The following DEPTOR variants were observed in gnomAD, a reference collection of about 807,000 sequenced individuals.
DEPTOR encodes the protein DEP domain containing MTOR interacting protein.
DEPTOR carries 41 observed loss-of-function variants against 41.6 expected under a neutral mutation model. The ratio of observed to expected loss-of-function variants is 0.98; its 90% confidence interval spans 0.77 to 1.28. The LOEUF (loss-of-function observed/expected upper bound fraction) is 1.28. DEPTOR is among the 50% of genes most tolerant of loss of function. The probability of loss-of-function intolerance (pLI) is 0.00; values close to 1 mark genes in which losing one functional copy is unlikely to be tolerated. For synonymous variants in DEPTOR, 195 were observed against 192.3 expected, an observed-to-expected ratio of 1.01 and a Z score of -0.12; for missense variants, 514 against 527.9, an observed-to-expected ratio of 0.97 and a Z score of 0.26.
intron 3 of DEPTOR, among the ~76,000 whole-genome samples, chr8:119,951,835 G>A (rs745768478): frequency 2.0e-5 from 3 of 152,028 alleles, no homozygotes; most frequent in Non-Finnish European, 4.4e-5. Context: ...AAAATAGTAC[G>A]TAAAAATTGA....
In DEPTOR at chr8:119,967,572, G is replaced by A. The variant is rs545600217; in HGVS notation, c.604+2162G>A. Among the ~76,000 whole-genome samples, 19 of 151,060 alleles carry A rather than the reference G, an allele frequency of 1.3e-4. No individual in the cohort carries two copies. The South Asian group carries it at 3.4e-3, about 27-fold the overall frequency. ...GTTCGAAACCAGCCTGGCCAACATG[G>A]TGAAACCCCATCTCTACTAAAAATA... is the stretch of plus-strand genomic sequence containing the variant. On this transcript the variant is annotated intron_variant, in intron 4 of 8. Coordinates refer to ENST00000286234, the MANE Select transcript of DEPTOR (RefSeq NM_022783.4).
chr8:120,048,751 CAA>C (rs1180441947), intron 8 of DEPTOR, among the ~76,000 whole-genome samples: 1 of 151,844 alleles, frequency 6.6e-6, no homozygotes, highest in African/African-American at 2.4e-5. Context: ...TTGGTGTTTG[CAA>C]AGAGGTTTCA....
intron 8 of DEPTOR, among the ~76,000 whole-genome samples, chr8:120,041,764 A>G (rs1235741547): frequency 2.6e-5 from 4 of 151,950 alleles, no homozygotes; most frequent in Admixed American, 1.3e-4. Flanking sequence ...TCTTGAACTC[A>G]TGATCTCAGG....
At chr8:119,925,817 G>T (rs191013313) in intron 1 of DEPTOR, among the ~76,000 whole-genome samples, 15 of 152,264 alleles carry the variant, frequency 9.9e-5, no homozygotes, top group African/African-American at 3.1e-4. Context: ...TAGAGACGGG[G>T]TTTCACCATG....
At position 120,030,942 on chromosome 8, in the gene DEPTOR, C is replaced by T. The variant is rs573005706; in HGVS notation, c.1102-18634C>T. On this transcript the variant is annotated intron_variant, in intron 8 of 8. Transcript: ENST00000286234. ...AGGGGGTGTTGATAATGGGGGATACCGTGCCTATGTGGGGCAGGAGGCGTA... is the reference window on the plus strand; with the variant it reads ...AGGGGGTGTTGATAATGGGGGATACTGTGCCTATGTGGGGCAGGAGGCGTA... 3.2e-3 allele frequency among the ~76,000 whole-genome samples: 483 copies of T among 152,104 alleles called. 1 individual carries two copies. Among genetic ancestry groups the T allele is most frequent in the Non-Finnish European group, 5.9e-3 (403 of 67,992 alleles).
intron 1 of DEPTOR, among the ~76,000 whole-genome samples, chr8:119,879,297 A>G (rs1017062024): frequency 1.3e-5 from 2 of 152,236 alleles, no homozygotes; most frequent in Non-Finnish European, 2.9e-5. Flanking sequence ...CTCAAATATT[A>G]AACATAGAGT....
intron 4 of DEPTOR, among the ~76,000 whole-genome samples, chr8:119,992,651 A>G (rs76878551): frequency 0.014 from 2,124 of 147,082 alleles, 49 homozygotes; most frequent in African/African-American, 0.049. Context: ...AGATAAGTAG[A>G]GTAAATTTTT....
chr8:120,008,139 T>A (rs1812473188), intron 7 of DEPTOR, among the ~76,000 whole-genome samples: 1 of 152,184 alleles, frequency 6.6e-6, no homozygotes, highest in African/African-American at 2.4e-5. Context: ...ACTTTTGGAT[T>A]AGAGTCTACT....
At chr8:120,028,806 C>T (rs12386849) in intron 8 of DEPTOR, among the ~76,000 whole-genome samples, 42,601 of 151,220 alleles carry the variant, frequency 0.28, 6,307 homozygotes, top group South Asian at 0.47. Flanking sequence ...GTATTGCAGC[C>T]GGGCACAGTG....
rs1309341748 is a variant in DEPTOR, at chr8:119,928,276, C to G, written c.123-124C>G. On this transcript the variant is annotated intron_variant, in intron 1 of 8. Transcript: ENST00000286234. ...GACAGTATGGAAATCACCAAGCGAG[C>G]TAAAGATATTCAATGACACCTTCAT... is the stretch of plus-strand genomic sequence containing the variant. 14 of 1,030,882 alleles carry G rather than the reference C, an allele frequency of 1.4e-5. No homozygotes were observed. The East Asian group carries it at 3.6e-4, about 26-fold the overall frequency. The allele number at this position is 1,030,882 out of a possible 1,614,324, so 63.9% of individuals were successfully genotyped here.
chr8:120,020,676 G>A (rs539610106), intron 8 of DEPTOR, among the ~76,000 whole-genome samples: 1 of 152,220 alleles, frequency 6.6e-6, no homozygotes, highest in Non-Finnish European at 1.5e-5. Context: ...TTAAGTGTCA[G>A]ACATGGGGGG....
intron 1 of DEPTOR, among the ~76,000 whole-genome samples, chr8:119,887,928 C>T (rs1334553090): frequency 8.7e-6 from 1 of 114,654 alleles, no homozygotes; most frequent in Non-Finnish European, 2.0e-5. Context: ...TCAAGTGAGC[C>T]CCCTGCCTCA....
chr8:120,001,948 C>T (rs1265389423), intron 5 of DEPTOR, among the ~76,000 whole-genome samples: 2 of 152,080 alleles, frequency 1.3e-5, no homozygotes, highest in Non-Finnish European at 2.9e-5. Context: ...TCTAGGCTCT[C>T]ACTCAAACCT....
rs1272611782 is a variant in DEPTOR at position 119,873,828 on chromosome 8, G to C, written c.-19G>C. The C allele has an allele frequency of 6.2e-7, 1 of 1,608,974 alleles. No individual in the cohort carries two copies. The stretch of plus-strand genomic sequence containing the variant: ...TCGGCGGACAGCGGAGCCAGTGGTA[G>C]CCGCACGGCCCTAAAACCATGGAGG... On this transcript the variant is annotated 5_prime_UTR_variant, in exon 1 of 9. Transcript: ENST00000286234.
In DEPTOR at chr8:120,006,815, A is replaced by G; in HGVS notation, c.936A>G (p.Arg312=). 6.2e-7 allele frequency: 1 copy of G among 1,614,008 alleles called. No individual in the cohort carries two copies. Among genetic ancestry groups the G allele is most frequent in the South Asian group, 1.1e-5 (1 of 91,072 alleles). The change falls in exon 7 of 9, where the codon AGA becomes AGG. Residue 312 remains arginine, a synonymous_variant. Coordinates refer to ENST00000286234, the MANE Select transcript of DEPTOR (RefSeq NM_022783.4). ...GTGTTTGTCTGCCAGTGCTGAAGAG[A>G]CCTGTCACCTCTGAGGAACTCCTTA... ...VLCNPKSVLK[R]PVTSEELLTP...
At chr8:119,994,355 A>G (rs999976371) in intron 4 of DEPTOR, among the ~76,000 whole-genome samples, 5 of 152,102 alleles carry the variant, frequency 3.3e-5, no homozygotes, top group Non-Finnish European at 7.4e-5. Context: ...TACAAACTCT[A>G]TGTCATTTAG....
chr8:120,001,926 T>C (rs1419898047), intron 5 of DEPTOR, among the ~76,000 whole-genome samples: 1 of 152,120 alleles, frequency 6.6e-6, no homozygotes, highest in Non-Finnish European at 1.5e-5. Flanking sequence ...TGTATTTGAA[T>C]TATAGAAGTC....
intron 4 of DEPTOR, among the ~76,000 whole-genome samples, chr8:119,991,150 G>A (rs971740369): frequency 5.6e-5 from 8 of 143,846 alleles, no homozygotes; most frequent in African/African-American, 1.6e-4. Context: ...TTGGTTTGGG[G>A]GTACATGCGA....
At chr8:120,041,227 C>T (rs1813064487) in intron 8 of DEPTOR, among the ~76,000 whole-genome samples, 1 of 152,184 alleles carries the variant, frequency 6.6e-6, no homozygotes, top group African/African-American at 2.4e-5. Context: ...TGTAGTGTTT[C>T]TCCCCAACTT....
Sources: allele counts gnomAD v4.1 joint callset (sites outside exome capture counted in the v4.1 genomes callset), GRCh38; gene constraint gnomAD v4.1.1; transcripts MANE v1.5; gene names NCBI Gene and HGNC (gene_info 2026-07-23, HGNC 2026-07-21).